SCP2: variants seen among roughly 807,000 people sequenced by gnomAD.
SCP2 encodes sterol carrier protein 2, also known as SCP-2/3-oxoacyl-CoA thiolase.
A neutral mutation model predicts 71.4 loss-of-function variants in SCP2; 48 were observed. That is an observed-to-expected ratio of 0.67 (90% CI 0.53 to 0.86). The LOEUF is 0.86. SCP2 is among the 40% of genes least tolerant of loss of function. SCP2 has a pLI of 0.00. For missense variants in SCP2, 560 were observed against 655.6 expected (o/e 0.85, Z 1.59); for synonymous variants, 220 against 218.1 (o/e 1.01, Z -0.08).
At chr1:53,026,889 C>T (rs1204645802) in intron 12 of SCP2, among the ~76,000 whole-genome samples, 2 of 150,086 alleles carry the variant, frequency 1.3e-5, no homozygotes, top group African/African-American at 4.9e-5. Flanking sequence ...GGGAGACATA[C>T]ATGAGAGGAG....
At chr1:52,935,592 A>G (rs1653657008) in intron 1 of SCP2, among the ~76,000 whole-genome samples, 1 of 150,398 alleles carries the variant, frequency 6.6e-6, no homozygotes. Flanking sequence ...TCAGTCAAAA[A>G]AAAAAAAAAA....
At position 53,050,392 on chromosome 1, in the gene SCP2, C is replaced by T. The variant is rs924294678; in HGVS notation, c.1549-217C>T. 5.7e-5 allele frequency: 28 copies of T among 488,294 alleles called. No individual in the cohort carries two copies. In the Admixed American group the frequency reaches 8.6e-4, roughly 15 times the overall value. The allele number at this position is 488,294 out of a possible 1,614,324, so 30.2% of individuals were successfully genotyped here. On this transcript the variant is annotated intron_variant, in intron 15 of 15. Coordinates refer to ENST00000371514, the MANE Select transcript of SCP2 (RefSeq NM_002979.5). ...AATTTCTATGAGAAATTTGGGAAAG[C>T]TGCTCCTTTCTGCTGATCTGCAAAA...
intron 2 of SCP2, among the ~76,000 whole-genome samples, chr1:52,944,099 A>C (rs1249292352): frequency 3.3e-5 from 5 of 152,112 alleles, no homozygotes; most frequent in Admixed American, 2.6e-4. Context: ...GAATTCTGGG[A>C]AATACCTGCT....
chr1:52,940,620 T>G, intron 1 of SCP2, among the ~76,000 whole-genome samples: 1 of 152,164 alleles, frequency 6.6e-6, no homozygotes, highest in East Asian at 1.9e-4. Context: ...TTTAGGATGG[T>G]TGTGAGGATT....
At chr1:53,031,729 A>G (rs1662558616) in intron 13 of SCP2, among the ~76,000 whole-genome samples, 1 of 152,174 alleles carries the variant, frequency 6.6e-6, no homozygotes. Context: ...TCCCACTTCA[A>G]TTGAAAATGT....
At chr1:53,013,882 CTTTTTTTTTTTTTTT>C (rs71044449) in intron 11 of SCP2, among the ~76,000 whole-genome samples, 7 of 63,068 alleles carry the variant, frequency 1.1e-4, no homozygotes, top group South Asian at 1.3e-3. Flanking sequence ...ATAGAACATT[CTTTTTTTTTTTTTTT>C]TTTTTTTTTT....
At chr1:52,996,874 C>CT (rs1659972629) in intron 11 of SCP2, among the ~76,000 whole-genome samples, 1 of 152,342 alleles carries the variant, frequency 6.6e-6, no homozygotes, top group South Asian at 2.1e-4. Flanking sequence ...CCTCCTCCAT[C>CT]TTTTTTGCAA....
chr1:53,018,586 C>A (rs111484260), intron 12 of SCP2, among the ~76,000 whole-genome samples: 2,584 of 151,712 alleles, frequency 0.017, 53 homozygotes, highest in African/African-American at 0.059. Context: ...TACTAAAAAT[C>A]AAAAATTAGC....
chr1:52,959,464 T>C (rs1656131631), intron 5 of SCP2, among the ~76,000 whole-genome samples: 2 of 152,150 alleles, frequency 1.3e-5, no homozygotes, highest in South Asian at 4.1e-4. Context: ...CAAAGTGAGA[T>C]TACAGGCATG....
At chr1:53,007,752 G>T (rs1304051344) in intron 11 of SCP2, among the ~76,000 whole-genome samples, 1 of 152,058 alleles carries the variant, frequency 6.6e-6, no homozygotes, top group Non-Finnish European at 1.5e-5. Flanking sequence ...TCAAAAGCTA[G>T]CAGAAGGCAA....
intron 14 of SCP2, among the ~76,000 whole-genome samples, chr1:53,041,368 C>T (rs1288240025): frequency 6.6e-6 from 1 of 150,926 alleles, no homozygotes; most frequent in Non-Finnish European, 1.5e-5. Flanking sequence ...CACCATTGCA[C>T]TCCAGCCTGG....
chr1:52,927,310 G>C lies in SCP2; in HGVS notation c.-87G>C, dbSNP rs184943760. The C allele has an allele frequency of 2.4e-4, 291 of 1,216,974 alleles. No individual in the cohort carries two copies. The East Asian group carries it at 3.0e-3, about 13-fold the overall frequency. The allele number at this position is 1,216,974 out of a possible 1,614,324, so 75.4% of individuals were successfully genotyped here. ...TGTTGCCGCCCGCGGCCCTGGCTTC[G>C]GGCTTCAGGGAGCTCTGGTGCAGTC... On this transcript the variant is annotated 5_prime_UTR_variant, in exon 1 of 16. Coordinates refer to ENST00000371514, the MANE Select transcript of SCP2 (RefSeq NM_002979.5).
In SCP2 at chr1:53,039,025, G is replaced by A. The variant is rs1317011956; in HGVS notation, c.1447G>A (p.Gly483Arg). 1.2e-6 allele frequency: 2 copies of A among 1,614,166 alleles called. No homozygotes were observed. Among genetic ancestry groups the A allele is most frequent in the East Asian group, 4.5e-5 (2 of 44,882 alleles). The change falls in exon 14 of 16, where the codon GGA becomes AGA. Residue 483 changes from glycine to arginine, a missense_variant. By Grantham distance (125) the Gly-to-Arg change is moderately radical. Around this residue, in one of 3 missense-constraint regions of SCP2, gnomAD observed 4 missense variants for 16.6 expected, o/e 0.24. Coordinates refer to ENST00000371514, the MANE Select transcript of SCP2 (RefSeq NM_002979.5). ...GGTGGTGGATGTGAAGAATGGCAAA[G>A]GATCAGTGCTTCCTAACTCAGGTTA... is the stretch of plus-strand genomic sequence containing the variant. Reference protein sequence around the residue: ...TWVVDVKNGKGSVLPNSDKKA... With the variant: ...TWVVDVKNGKRSVLPNSDKKA...
chr1:52,961,674 A>G, intron 6 of SCP2, 45 bp downstream of exon 6: 1 of 1,512,210 alleles, frequency 6.6e-7, no homozygotes, highest in African/African-American at 1.4e-5. Context: ...CTAGTTATAT[A>G]CATGAGATGA....
At position 52,961,579 on chromosome 1, in the gene SCP2, T is replaced by A; in HGVS notation, c.473T>A (p.Val158Asp). 1 of 1,613,760 alleles carries A rather than the reference T, an allele frequency of 6.2e-7. No individual in the cohort carries two copies. The highest frequency in any genetic ancestry group is 1.3e-5 in the African/African-American group (1 of 75,040). ...INKYGLSAHP[V>D]APQMFGYAGK... ...AAGTATGGATTGTCTGCTCACCCAG[T>A]TGCTCCTCAGATGTTTGGGTATGCT... The change falls in exon 6 of 16, where the codon GTT (valine) becomes GAT (aspartate). Residue 158 changes from valine (V) to aspartate (D), a missense_variant. Physicochemically the swap from Val to Asp is radical, Grantham distance 152 (BLOSUM62 -3). Around this residue, in one of 3 missense-constraint regions of SCP2, gnomAD observed 513 missense variants for 573.1 expected, o/e 0.90. Coordinates refer to ENST00000371514, the MANE Select transcript of SCP2 (RefSeq NM_002979.5).
At chr1:52,938,495 A>G (rs1653933907) in intron 1 of SCP2, among the ~76,000 whole-genome samples, 2 of 152,046 alleles carry the variant, frequency 1.3e-5, no homozygotes, top group Admixed American at 1.3e-4. Flanking sequence ...CTTAGCCCTC[A>G]CCTGGCCTGT....
intron 11 of SCP2, among the ~76,000 whole-genome samples, chr1:53,009,181 C>T (rs1426219053): frequency 2.6e-5 from 4 of 152,128 alleles, no homozygotes; most frequent in Admixed American, 6.5e-5. Flanking sequence ...GAATGAATAT[C>T]GTGAAAATGG....
At chr1:53,035,998 C>G (rs1420725195) in intron 13 of SCP2, among the ~76,000 whole-genome samples, 1 of 126,704 alleles carries the variant, frequency 7.9e-6, no homozygotes, top group African/African-American at 3.2e-5. Context: ...CCAGCCTGGG[C>G]GACAGAGCGA....
chr1:52,985,165 T>C (rs1281821138), intron 10 of SCP2, among the ~76,000 whole-genome samples: 1 of 152,162 alleles, frequency 6.6e-6, no homozygotes, highest in Non-Finnish European at 1.5e-5. Flanking sequence ...TTCAAACTTA[T>C]ACTCCTTGCT....
Sources: gnomAD v4.1 joint callset for allele counts (sites outside exome capture counted in the v4.1 genomes callset) on GRCh38, gnomAD v4.1.1 for gene constraint, gnomAD v4.1.1 regional missense constraint, MANE v1.5 for transcripts, NCBI Gene and HGNC (gene_info 2026-07-23, HGNC 2026-07-21) for gene names.